The following IGF2BP1 variants were observed in gnomAD, a reference collection of about 807,000 sequenced individuals.
The protein encoded by IGF2BP1 is insulin like growth factor 2 mRNA binding protein 1.
A neutral mutation model predicts 74.9 loss-of-function variants in IGF2BP1; 11 were observed. The observed-to-expected ratio is 0.15, with a 90% CI of 0.09 to 0.24. The LOEUF (loss-of-function observed/expected upper bound fraction) is 0.24. IGF2BP1 is among the 10% of genes least tolerant of loss of function. The pLI is 1.00. For synonymous variants in IGF2BP1, 287 were observed against 281.8 expected (o/e 1.02, Z -0.18); for missense variants, 440 against 757.4 (o/e 0.58, Z 4.92).
Position 49,002,515 on chromosome 17 carries a change from G to A in IGF2BP1, c.236+3346G>A, listed in dbSNP as rs533438738. ...AAAAGGGAATGAAAACTACTAGAGC[G>A]GGAGGGTTTTCAGGCACTTTTACTT... On this transcript the variant is annotated intron_variant, in intron 2 of 14. Coordinates refer to ENST00000290341, the MANE Select transcript of IGF2BP1 (RefSeq NM_006546.4). 4.3e-4 allele frequency among the ~76,000 whole-genome samples: 66 copies of A among 152,144 alleles called. No individual in the cohort carries two copies. The South Asian group carries it at 6.8e-3, about 16-fold the overall frequency.
Position 48,997,646 on chromosome 17 carries a change from C to T in IGF2BP1, c.-100C>T, listed in dbSNP as rs2041423191. On this transcript the variant is annotated 5_prime_UTR_variant, in exon 1 of 15. Transcript: ENST00000290341. The surrounding 1 kb of genome is among the most constrained non-coding windows in gnomAD (Gnocchi z 4.8). ...TGGGGTGCAAAGAAAGTTTGCGGCT[C>T]CTGCCGCCGGCCTCTCCGCCTCTTG... 6.0e-6 allele frequency: 8 copies of T among 1,322,582 alleles called. No individual in the cohort carries two copies. The highest frequency in any genetic ancestry group is 7.3e-6 in the Non-Finnish European group (7 of 959,888). The allele number at this position is 1,322,582 out of a possible 1,614,324, so 81.9% of individuals were successfully genotyped here. A position where few individuals can be genotyped will look rare whatever the true frequency, so the allele number is the denominator to read the frequency against.
Position 49,025,313 on chromosome 17 carries a change from A to T in IGF2BP1, c.237-305A>T, listed in dbSNP as rs868183716. 2.2e-3 allele frequency among the ~76,000 whole-genome samples: 289 copies of T among 133,648 alleles called. 2 individuals are homozygous for T. Among genetic ancestry groups the T allele is most frequent in the Middle Eastern group, 7.8e-3 (2 of 258 alleles). The allele number at this position is 133,648 out of a possible 152,430, so 87.7% of individuals were successfully genotyped here. ...AATGAGAAAGTGGTGGGACAAACAA[A>T]GTGTGTGTGTGTGTGTGTGTGTGTG... On this transcript the variant is annotated intron_variant, in intron 2 of 14. Transcript: ENST00000290341.
At chr17:49,030,019 T>C (rs1177709008) in intron 4 of IGF2BP1, among the ~76,000 whole-genome samples, 1 of 152,044 alleles carries the variant, frequency 6.6e-6, no homozygotes, top group Non-Finnish European at 1.5e-5. Context: ...GATCAATGAC[T>C]AGCATCCTGA....
intron 2 of IGF2BP1, among the ~76,000 whole-genome samples, chr17:48,999,928 GT>G (rs2041465320): frequency 1.5e-5 from 2 of 136,374 alleles, no homozygotes; most frequent in African/African-American, 5.3e-5. Flanking sequence ...TGAATGGTGT[GT>G]GTGTGTGTGT....
rs983526557 is a variant in IGF2BP1 at position 49,049,965 on chromosome 17, G to C, written c.*521G>C. Reference sequence around the variant, plus strand: ...ATTGCTACCAGAAAAAAATGCGAACGAATGCATTGCTTTGCTTACAGTATT... The same window carrying C: ...ATTGCTACCAGAAAAAAATGCGAACCAATGCATTGCTTTGCTTACAGTATT... On this transcript the variant is annotated 3_prime_UTR_variant, in exon 15 of 15. Coordinates refer to ENST00000290341, the MANE Select transcript of IGF2BP1 (RefSeq NM_006546.4). The C allele has an allele frequency of 6.5e-6, 1 of 153,950 alleles. No individual in the cohort carries two copies. Among genetic ancestry groups the C allele is most frequent in the Non-Finnish European group, 1.4e-5 (1 of 69,256 alleles). The allele number at this position is 153,950 out of a possible 1,614,324, so 9.5% of individuals were successfully genotyped here.
intron 5 of IGF2BP1, among the ~76,000 whole-genome samples, chr17:49,034,732 G>A (rs1440847489): frequency 7.2e-6 from 1 of 139,742 alleles, no homozygotes; most frequent in Non-Finnish European, 1.5e-5. Flanking sequence ...GTAAGACCCT[G>A]TCTCAAAAAA....
chr17:49,013,685 G>C (rs2143977568), intron 2 of IGF2BP1: 1 of 152,612 alleles, frequency 6.6e-6, no homozygotes, highest in East Asian at 1.9e-4. Flanking sequence ...GCGGGAGACT[G>C]CCCCTCGCCG....
intron 2 of IGF2BP1, among the ~76,000 whole-genome samples, chr17:49,009,275 C>A (rs1157959502): frequency 6.6e-6 from 1 of 151,984 alleles, no homozygotes; most frequent in Admixed American, 6.6e-5. Flanking sequence ...GGTGATCTGC[C>A]CACCTCAACC....
intron 1 of IGF2BP1, 29 bp from the exon 2 acceptor site, chr17:48,999,080 C>T (rs780564824): frequency 2.2e-6 from 3 of 1,343,764 alleles, no homozygotes; most frequent in African/African-American, 1.5e-5. Flanking sequence ...TTCAAGCTCT[C>T]ATGGTAATTT....
chr17:49,049,013 C>G (rs1300262934), intron 14 of IGF2BP1, among the ~76,000 whole-genome samples: 1 of 151,908 alleles, frequency 6.6e-6, no homozygotes, highest in Non-Finnish European at 1.5e-5. Flanking sequence ...AAACTCTAGG[C>G]ATTCTGTTTT....
rs557512533 is a variant in IGF2BP1, at chr17:49,042,297, A to G, written c.997A>G (p.Ile333Val). 2.7e-5 allele frequency: 43 copies of G among 1,614,140 alleles called. No individual in the cohort carries two copies. In the South Asian group the frequency reaches 4.1e-4, roughly 15 times the overall value. ...PERTITVKGA[I>V]ENCCRAEQEI... ...GAGGACCATCACTGTGAAGGGGGCC[A>G]TCGAGAATTGTTGCAGGGCCGAGCA... is the stretch of plus-strand genomic sequence containing the variant. The change falls in exon 9 of 15, where the codon ATC (isoleucine) becomes GTC (valine). Residue 333 changes from isoleucine to valine, a missense_variant. Around this residue, in one of 5 missense-constraint regions of IGF2BP1, gnomAD observed 184 missense variants for 273.4 expected, o/e 0.67. Transcript: ENST00000290341.
chr17:49,020,418 A>G (rs1004999737), intron 2 of IGF2BP1, among the ~76,000 whole-genome samples: 2 of 152,150 alleles, frequency 1.3e-5, no homozygotes, highest in African/African-American at 4.8e-5. Context: ...CTCCCTACCC[A>G]CTAAGGTGGT....
chr17:49,015,019 C>A, intron 2 of IGF2BP1: 1 of 832,260 alleles, frequency 1.2e-6, no homozygotes, highest in Non-Finnish European at 1.4e-6. Context: ...TCTGAAACCC[C>A]GAGTGCCTGA....
intron 2 of IGF2BP1, chr17:49,013,961 C>T (rs908912303): frequency 6.6e-6 from 1 of 152,366 alleles, no homozygotes; most frequent in Non-Finnish European, 1.5e-5. Flanking sequence ...TGCTCTGTCC[C>T]CTTCCTTGCG....
rs1332823704 is a variant in IGF2BP1 at position 49,041,428 on chromosome 17, G to A, written c.869G>A (p.Arg290His). The change falls in exon 8 of 15, where the codon CGT (arginine) becomes CAT (histidine). Residue 290 changes from arginine to histidine, a missense_variant. Transcript: ENST00000290341. ...KILAHNNFVG[R>H]LIGKEGRNLK... is the part of the protein sequence containing the mutation. ...CTGGCCCATAATAACTTTGTAGGGC[G>A]TCTCATTGGCAAGGAAGGACGGAAC... 1.2e-6 allele frequency: 2 copies of A among 1,613,894 alleles called. No individual in the cohort carries two copies. The highest frequency in any genetic ancestry group is 1.7e-5 in the Admixed American group (1 of 59,982).
At chr17:49,024,938 T>C (rs1318290860) in intron 2 of IGF2BP1, among the ~76,000 whole-genome samples, 2 of 152,176 alleles carry the variant, frequency 1.3e-5, no homozygotes, top group Non-Finnish European at 2.9e-5. Context: ...ATGCCTGTAA[T>C]CCCTGCATTT....
At chr17:49,013,695 G>C (rs2041652507) in intron 2 of IGF2BP1, 1 of 152,464 alleles carries the variant, frequency 6.6e-6, no homozygotes, top group East Asian at 1.9e-4. Context: ...GCCCCTCGCC[G>C]GCTGCCTGGC....
In IGF2BP1 at chr17:49,038,328, C is replaced by G. The variant is rs1428759513; in HGVS notation, c.562C>G (p.Pro188Ala). Residue 188 changes from proline to alanine, a missense_variant, in exon 6 of 15, where the codon CCA (proline) becomes GCA (alanine). This residue lies in a region of IGF2BP1 where 184 missense variants were observed against 273.4 expected (regional missense o/e 0.67). Transcript: ENST00000290341. The part of the protein sequence containing the change: ...RQGSPVAAGA[P>A]AKQQQVDIPL... ...GGGCTCACCTGTGGCAGCGGGGGCC[C>G]CAGCCAAGCAGCAGCAAGTGGACAT... 6.2e-7 allele frequency: 1 copy of G among 1,606,110 alleles called. No homozygotes were observed. The highest frequency in any genetic ancestry group is 1.7e-5 in the Admixed American group (1 of 58,476).
rs1451583367 is a variant in IGF2BP1, at chr17:49,050,829, GA to G, written c.*1387del. 5 of 152,638 alleles carry G rather than the reference GA, an allele frequency of 3.3e-5. No individual in the cohort carries two copies. The East Asian group carries it at 9.6e-4, about 29-fold the overall frequency. 9.5% of individuals were successfully genotyped at this position (152,638 alleles called of 1,614,324 possible). On this transcript the variant is annotated 3_prime_UTR_variant, in exon 15 of 15. Coordinates refer to ENST00000290341, the MANE Select transcript of IGF2BP1 (RefSeq NM_006546.4). ...GAGTGTTTAGCCCTTGTGGGAGACA[GA>G]AGCCATCAGTTAAATGAGGTTAGGC... is the stretch of plus-strand genomic sequence containing the variant.
Sources: gnomAD v4.1 joint callset for allele counts (sites outside exome capture counted in the v4.1 genomes callset) on GRCh38, gnomAD v4.1.1 for gene constraint, gnomAD v4.1.1 regional missense constraint, Gnocchi (gnomAD v3.1) non-coding constraint, MANE v1.5 for transcripts, NCBI Gene and HGNC (gene_info 2026-07-23, HGNC 2026-07-21) for gene names.